Variants in FAM174C observed in about 807,000 individuals in gnomAD.
FAM174C encodes family with sequence similarity 174 member C, also known as protein FAM174C.
In FAM174C, 19 loss-of-function variants were observed where a neutral mutation model predicts 12.3. The observed-to-expected ratio is 1.55, with a 90% CI of 1.08 to 2.27. FAM174C has a LOEUF of 2.27. Ranked by LOEUF, FAM174C falls within the 30% of genes most tolerant of loss-of-function variation. FAM174C has a pLI of 0.00. For missense variants in FAM174C, 239 were observed against 190.2 expected, an observed-to-expected ratio of 1.26 and a Z score of -1.51; for synonymous variants, 147 against 103.5, an observed-to-expected ratio of 1.42 and a Z score of -2.55.
At position 1,278,978 on chromosome 19, in the gene FAM174C, A is replaced by G. The variant is rs550498311; in HGVS notation, c.*201A>G. The G allele has an allele frequency of 2.4e-5, 39 of 1,612,514 alleles. No homozygotes were observed. In the East Asian group the frequency reaches 7.6e-4, roughly 31 times the overall value. On this transcript the variant is annotated 3_prime_UTR_variant, in exon 3 of 3. Transcript: ENST00000409293. ...TGTTGCCACCTGCACCCACCGCTGG[A>G]CCATGCAGCCTCGCCTCCTGGATGC...
rs750235844 is a variant in FAM174C at position 1,278,874 on chromosome 19, T to C, written c.*97T>C. 3.1e-6 allele frequency: 5 copies of C among 1,612,898 alleles called. No homozygotes were observed. Among genetic ancestry groups the C allele is most frequent in the Admixed American group, 1.7e-5 (1 of 59,992 alleles). ...CAGCAACCCCCTGCTCCACCGCTCA[T>C]TCCCCTGCTGGCCCCGGGGCTGGTC... On this transcript the variant is annotated 3_prime_UTR_variant, in exon 3 of 3. Coordinates refer to ENST00000409293, the MANE Select transcript of FAM174C (RefSeq NM_017914.4).
chr19:1,277,900 G>A (rs921623132), intron 2 of FAM174C: 1 of 152,928 alleles, frequency 6.5e-6, no homozygotes, highest in African/African-American at 2.4e-5. Context: ...GCAGCCTCCT[G>A]AGTAGCTGGG....
chr19:1,278,612 ACAGGGCC>A (rs5826728), intron 2 of FAM174C, among the ~76,000 whole-genome samples, 158 bp from the exon 3 acceptor site: 113,942 of 151,746 alleles, frequency 0.75, 43,269 homozygotes, highest in East Asian at 0.98. Context: ...GGGCAGTTGC[ACAGGGCC>A]CAGGAGGCCG....
Position 1,275,950 on chromosome 19 carries a change from G to C in FAM174C, c.281+120G>C, listed in dbSNP as rs866777026. 4.3e-6 allele frequency: 4 copies of C among 920,180 alleles called. No individual in the cohort carries two copies. The African/African-American group carries it at 6.9e-5, about 16-fold the overall frequency. The allele number at this position is 920,180 out of a possible 1,614,324, so 57.0% of individuals were successfully genotyped here. ...TCCCTCCCTCCCTCCCTCTCTCCCT[G>C]TTGGAGTGGGCGTGGGCGGTGCTGT... On this transcript the variant is annotated intron_variant, in intron 1 of 2. Coordinates refer to ENST00000409293, the MANE Select transcript of FAM174C (RefSeq NM_017914.4).
chr19:1,278,075 T>G (rs1409935193), intron 2 of FAM174C, among the ~76,000 whole-genome samples: 1 of 96,444 alleles, frequency 1.0e-5, no homozygotes, highest in Non-Finnish European at 2.2e-5. Context: ...GTGGTCAGCC[T>G]TCTTGCTTTT....
chr19:1,276,037 G>A, intron 1 of FAM174C: 1 of 558,404 alleles, frequency 1.8e-6, no homozygotes, highest in East Asian at 3.5e-5. Flanking sequence ...TCTCCAGCCT[G>A]CGCCTGGGGT....
chr19:1,278,710 G>C, intron 2 of FAM174C, 67 bp from the exon 3 acceptor site: 2 of 1,598,138 alleles, frequency 1.3e-6, no homozygotes, highest in Non-Finnish European at 1.7e-6. Flanking sequence ...CCTGACCTGG[G>C]TGAGCCTCTG....
At chr19:1,275,945 T>TCCCTCCCTCTCA (rs2081412307) in intron 1 of FAM174C, 115 bp downstream of exon 1, 1 of 974,108 alleles carries the variant, frequency 1.0e-6, no homozygotes. Context: ...CCTCCCTCTC[T>TCCCTCCCTCTCA]CCCTGTTGGA....
In FAM174C at chr19:1,275,655, C is replaced by T. The variant is rs954475801; in HGVS notation, c.106C>T (p.Gln36Ter). The change falls in exon 1 of 3, where the codon CAG becomes TAG. Residue 36 changes from glutamine (Q) to a stop codon, truncating the protein, a stop_gained. Coordinates refer to ENST00000409293, the MANE Select transcript of FAM174C (RefSeq NM_017914.4). LOFTEE classifies it high-confidence loss of function. ...AGAGGCCTCGCCGCTGCGCCCCGCG[C>T]AGGTCACGTTGTCGCCGCCGCCGGC... ...AEEASPLRPA[Q>*]VTLSPPPAVT... is the part of the protein sequence containing the mutation. The T allele has an allele frequency of 2.1e-6, 3 of 1,411,464 alleles. No homozygotes were observed. The highest frequency in any genetic ancestry group is 1.5e-5 in the African/African-American group (1 of 65,590). 87.4% of individuals were successfully genotyped at this position (1,411,464 alleles called of 1,614,324 possible).
At chr19:1,276,291 G>T (rs1436052707) in intron 1 of FAM174C, 2 of 169,304 alleles carry the variant, frequency 1.2e-5, no homozygotes, top group African/African-American at 4.8e-5. Context: ...CGTCGCCAGG[G>T]TCGGCCACGT....
intron 1 of FAM174C, 109 bp downstream of exon 1, chr19:1,275,939 CCTCT>C (rs560405706): frequency 2.0e-6 from 2 of 1,007,860 alleles, no homozygotes; most frequent in South Asian, 1.5e-5. Context: ...TCCCTCCCTC[CCTCT>C]CTCCCTGTTG....
intron 2 of FAM174C, among the ~76,000 whole-genome samples, chr19:1,278,522 C>T (rs1348717584): frequency 1.3e-5 from 2 of 152,076 alleles, no homozygotes; most frequent in Non-Finnish European, 2.9e-5. Context: ...ACTGGGATCC[C>T]TCCGCATGCT....
At position 1,275,810 on chromosome 19, in the gene FAM174C, C is replaced by T. The variant is rs569136187; in HGVS notation, c.261C>T (p.Tyr87=). ...ILGFCGLTAL[Y]FLIRAFRLKK... The stretch of plus-strand genomic sequence containing the variant: ...GCTTCTGCGGCCTGACCGCGCTCTA[C>T]TTCCTGATCCGGGCGTTTAGGTGCG... The change falls in exon 1 of 3, where the codon TAC becomes TAT. Residue 87 remains tyrosine (Y), a synonymous_variant. Transcript: ENST00000409293. 7.3e-5 allele frequency: 112 copies of T among 1,537,748 alleles called. No individual in the cohort carries two copies. The South Asian group carries it at 1.1e-3, about 15-fold the overall frequency.
chr19:1,275,722 C>A lies in FAM174C; in HGVS notation c.173C>A (p.Thr58Lys), dbSNP rs1393238167. The part of the protein sequence containing the change: ...GSQPGAPHNS[T>K]HTRPPGASGS... Reference sequence around the variant, plus strand: ...CAGCCGGGCGCGCCACACAACAGCACGCACACGCGTCCGCCGGGGGCGTCG... The same window carrying A: ...CAGCCGGGCGCGCCACACAACAGCAAGCACACGCGTCCGCCGGGGGCGTCG... Residue 58 changes from threonine to lysine, a missense_variant, in exon 1 of 3, where the codon ACG becomes AAG. Coordinates refer to ENST00000409293, the MANE Select transcript of FAM174C (RefSeq NM_017914.4). 6.5e-7 allele frequency: 1 copy of A among 1,532,704 alleles called. No homozygotes were observed. The highest frequency in any genetic ancestry group is 8.7e-7 in the Non-Finnish European group (1 of 1,143,888). The allele number at this position is 1,532,704 out of a possible 1,614,324, so 94.9% of individuals were successfully genotyped here.
In FAM174C at chr19:1,279,124, C is replaced by A; in HGVS notation, c.*347C>A. ...TGCCTCTCTCCTGCCCCCGTGGGGA[C>A]ATGGCAGCCCAGAGCCAAGGCTGGG... On this transcript the variant is annotated 3_prime_UTR_variant, in exon 3 of 3. Transcript: ENST00000409293. 2 of 1,613,038 alleles carry A rather than the reference C, an allele frequency of 1.2e-6. No homozygotes were observed. The highest frequency in any genetic ancestry group is 2.2e-5 in the South Asian group (2 of 91,090).
At chr19:1,276,172 G>T (rs1046206794) in intron 1 of FAM174C, 2 of 308,872 alleles carry the variant, frequency 6.5e-6, no homozygotes, top group Non-Finnish European at 6.1e-6. Flanking sequence ...GGCCTCCTTG[G>T]CTCCTTGTCG....
chr19:1,278,748 C>T (rs773720585), intron 2 of FAM174C, 29 bp from the exon 3 acceptor site: 11 of 1,611,308 alleles, frequency 6.8e-6, no homozygotes, highest in Admixed American at 1.7e-5. Context: ...TTCACTCCTT[C>T]CCTCTCACCC....
At chr19:1,275,865 C>G in intron 1 of FAM174C, 35 bp downstream of exon 1, 1 of 1,526,672 alleles carries the variant, frequency 6.6e-7, no homozygotes, top group Non-Finnish European at 8.8e-7. Flanking sequence ...GTCTCTCAGC[C>G]TTGGCCAATT....
rs1225421186 is a variant in FAM174C, at chr19:1,278,686, GCTGCCTGCCC to G, written c.*-83_*-74del. The G allele has an allele frequency of 5.2e-5, 82 of 1,572,242 alleles. 1 individual carries two copies. The Admixed American group carries it at 1.2e-3, about 23-fold the overall frequency. ...CTGGTAGACCGAGGGGCCTGGACAG[GCTGCCTGCCC>G]CTGCCTGACCTGGGTGAGCCTCTGC... On this transcript the variant is annotated intron_variant, in intron 2 of 2. Coordinates refer to ENST00000409293, the MANE Select transcript of FAM174C (RefSeq NM_017914.4).
Sources: gnomAD v4.1 joint callset for allele counts (sites outside exome capture counted in the v4.1 genomes callset) on GRCh38, gnomAD v4.1.1 for gene constraint, MANE v1.5 for transcripts, NCBI Gene and HGNC (gene_info 2026-07-23, HGNC 2026-07-21) for gene names.